Variants in KBTBD11 observed in about 807,000 individuals in gnomAD.
KBTBD11 encodes kelch repeat and BTB domain-containing protein 11.
For missense variants in KBTBD11, 1,390 were observed against 1,001.8 expected (o/e 1.39, Z -5.23); for synonymous variants, 747 against 499.0 (o/e 1.50, Z -6.63).
chr8:1,980,278 G>T (rs9657384), intron 1 of KBTBD11, among the ~76,000 whole-genome samples: 109,649 of 147,096 alleles, frequency 0.75, 41,068 homozygotes, highest in South Asian at 0.85. Context: ...CCAGGCTGGA[G>T]TGCAGTGGCG....
chr8:1,979,223 G>C (rs1032893202), intron 1 of KBTBD11, among the ~76,000 whole-genome samples: 3 of 152,156 alleles, frequency 2.0e-5, no homozygotes, highest in Admixed American at 1.3e-4. Flanking sequence ...CCTCCTCCTC[G>C]GGAACCTCCG....
At chr8:1,985,373 C>T (rs879635660) in intron 1 of KBTBD11, among the ~76,000 whole-genome samples, 2 of 152,256 alleles carry the variant, frequency 1.3e-5, no homozygotes, top group Non-Finnish European at 2.9e-5. Context: ...TGGCTTTATT[C>T]CTCTGAAACT....
chr8:2,001,746 G>T lies in KBTBD11; in HGVS notation c.554G>T (p.Arg185Leu). The change falls in exon 2 of 2, where the codon CGG becomes CTG. Residue 185 changes from arginine to leucine, a missense_variant. Transcript: ENST00000320248. ...CAGGGAGTGAGCCTGACGGCGCTGC[G>T]GCTGCTCCTCGCCGACGCCTACAGC... ...RVQGVSLTAL[R>L]LLLADAYSGR... 5 of 1,331,738 alleles carry T rather than the reference G, an allele frequency of 3.8e-6. No homozygotes were observed. Among genetic ancestry groups the T allele is most frequent in the Non-Finnish European group, 4.8e-6 (5 of 1,043,344 alleles). 82.5% of individuals were successfully genotyped at this position (1,331,738 alleles called of 1,614,324 possible).
intron 1 of KBTBD11, among the ~76,000 whole-genome samples, chr8:1,993,552 CCCACCCATCCATCCATCCAT>C (rs1817015009): frequency 3.6e-5 from 3 of 84,090 alleles, no homozygotes; most frequent in African/African-American, 1.4e-4. Flanking sequence ...CACCCACCCA[CCCACCCATCCATCCATCCAT>C]CCATCCATCC....
Position 1,979,155 on chromosome 8 carries a change from G to A in KBTBD11, c.-909+5220G>A, listed in dbSNP as rs1172222180. Among the ~76,000 whole-genome samples, 3 of 152,340 alleles carry A rather than the reference G, an allele frequency of 2.0e-5. No homozygotes were observed. In the East Asian group the frequency reaches 5.8e-4, roughly 29 times the overall value. On this transcript the variant is annotated intron_variant, in intron 1 of 1. Coordinates refer to ENST00000320248, the MANE Select transcript of KBTBD11 (RefSeq NM_014867.3). ...CATCCGATGGTGGTGGGGCAAGTCT[G>A]AGATCTGCAGGGCAGGCCGGCAGGC...
chr8:2,002,808 C>G lies in KBTBD11; in HGVS notation c.1616C>G (p.Ala539Gly), dbSNP rs1348728657. ...GCCAAGCAGTGGAGCCCGTGCGTCGCGCCCCTGCGCCTCCCCGGCGGCCCC... is the reference window on the plus strand; with the variant it reads ...GCCAAGCAGTGGAGCCCGTGCGTCGGGCCCCTGCGCCTCCCCGGCGGCCCC... ...CLAKQWSPCV[A>G]PLRLPGGPTG... The change falls in exon 2 of 2, where the codon GCG becomes GGG. Residue 539 changes from alanine (A) to glycine (G), a missense_variant. Ala to Gly is a moderately conservative substitution (Grantham distance 60). Coordinates refer to ENST00000320248, the MANE Select transcript of KBTBD11 (RefSeq NM_014867.3). The surrounding 1 kb of genome is among the most constrained non-coding windows in gnomAD (Gnocchi z 4.1). 4 of 1,437,222 alleles carry G rather than the reference C, an allele frequency of 2.8e-6. No individual in the cohort carries two copies. Among genetic ancestry groups the G allele is most frequent in the Non-Finnish European group, 3.6e-6 (4 of 1,104,002 alleles). The allele number at this position is 1,437,222 out of a possible 1,614,324, so 89.0% of individuals were successfully genotyped here.
At position 2,001,059 on chromosome 8, in the gene KBTBD11, C is replaced by T. The variant is rs1179761416; in HGVS notation, c.-134C>T. The T allele has an allele frequency of 4.4e-5, 51 of 1,165,362 alleles. No individual in the cohort carries two copies. Among genetic ancestry groups the T allele is most frequent in the Non-Finnish European group, 3.3e-6 (3 of 919,112 alleles). 72.2% of individuals were successfully genotyped at this position (1,165,362 alleles called of 1,614,324 possible). A position where few individuals can be genotyped will look rare whatever the true frequency, so the allele number is the denominator to read the frequency against. On this transcript the variant is annotated 5_prime_UTR_variant, in exon 2 of 2. Transcript: ENST00000320248. ...CACACACACAACAACAAAGCGTGGACACACAGAAGTGAAATCTGATCGCGT... is the reference window on the plus strand; with the variant it reads ...CACACACACAACAACAAAGCGTGGATACACAGAAGTGAAATCTGATCGCGT...
Position 2,002,672 on chromosome 8 carries a change from G to A in KBTBD11, c.1480G>A (p.Asp494Asn), listed in dbSNP as rs146428092. ...CAGCAGCAGCCGCGAGCGCTCGGCC[G>A]ACATGGTGGCTCTCGACGGCTTCAT... ...PCSSSRERSA[D>N]MVALDGFIYR... The change falls in exon 2 of 2, where the codon GAC becomes AAC. Residue 494 changes from aspartate (D) to asparagine (N), a missense_variant. Physicochemically the swap from Asp to Asn is conservative, Grantham distance 23 (BLOSUM62 1). Transcript: ENST00000320248. This position sits in a 1 kb window ranked among gnomAD's most constrained non-coding sequence, Gnocchi z 4.1. The A allele has an allele frequency of 9.8e-5, 154 of 1,569,402 alleles. No individual in the cohort carries two copies. The highest frequency in any genetic ancestry group is 1.3e-4 in the Non-Finnish European group (147 of 1,166,672).
chr8:2,001,218 T>A lies in KBTBD11; in HGVS notation c.26T>A (p.Val9Asp), dbSNP rs1817332650. The A allele has an allele frequency of 7.1e-7, 1 of 1,415,790 alleles. No individual in the cohort carries two copies. The highest frequency in any genetic ancestry group is 1.5e-5 in the African/African-American group (1 of 66,734). 87.7% of individuals were successfully genotyped at this position (1,415,790 alleles called of 1,614,324 possible). ...ATGGAGCACGCGGTGGCCCCCTGCG[T>A]CCTCTACCCAGGGACTGAGCCCGGG... is the stretch of plus-strand genomic sequence containing the variant. MEHAVAPC[V>D]LYPGTEPGAA... Residue 9 changes from valine (V) to aspartate (D), a missense_variant, in exon 2 of 2, where the codon GTC becomes GAC. By Grantham distance (152) the Val-to-Asp change is radical. Coordinates refer to ENST00000320248, the MANE Select transcript of KBTBD11 (RefSeq NM_014867.3).
rs1013945117 is a variant in KBTBD11 at position 2,003,925 on chromosome 8, G to T, written c.*861G>T. ...CAATCTTTGATAGTCCACTCTGTAT[G>T]CCCAGCCGCTTTCATAATCTGGAAC... On this transcript the variant is annotated 3_prime_UTR_variant, in exon 2 of 2. Transcript: ENST00000320248. 6.0e-6 allele frequency: 1 copy of T among 166,858 alleles called. No homozygotes were observed. Among genetic ancestry groups the T allele is most frequent in the Admixed American group, 6.5e-5 (1 of 15,276 alleles). 10.3% of individuals were successfully genotyped at this position (166,858 alleles called of 1,614,324 possible). A position where few individuals can be genotyped will look rare whatever the true frequency, so the allele number is the denominator to read the frequency against.
At chr8:1,994,278 C>T (rs1333777025) in intron 1 of KBTBD11, among the ~76,000 whole-genome samples, 1 of 151,410 alleles carries the variant, frequency 6.6e-6, no homozygotes, top group Non-Finnish European at 1.5e-5. Context: ...GATCCCAGTG[C>T]TGCCCCATCT....
chr8:2,001,239 C>T lies in KBTBD11; in HGVS notation c.47C>T (p.Pro16Leu). 1 of 1,485,806 alleles carries T rather than the reference C, an allele frequency of 6.7e-7. No homozygotes were observed. The highest frequency in any genetic ancestry group is 8.9e-7 in the Non-Finnish European group (1 of 1,121,736). 92.0% of individuals were successfully genotyped at this position (1,485,806 alleles called of 1,614,324 possible). Residue 16 changes from proline to leucine, a missense_variant, in exon 2 of 2, where the codon CCC (proline) becomes CTC (leucine). Physicochemically the swap from Pro to Leu is moderately conservative, Grantham distance 98. Transcript: ENST00000320248. ...TGCGTCCTCTACCCAGGGACTGAGCCCGGGGCTGCCGGGGAGAGCGAGAGC... is the reference window on the plus strand; with the variant it reads ...TGCGTCCTCTACCCAGGGACTGAGCTCGGGGCTGCCGGGGAGAGCGAGAGC... Reference protein sequence around the residue: ...APCVLYPGTEPGAAGESESEG... With the variant: ...APCVLYPGTELGAAGESESEG...
At chr8:1,991,681 G>A (rs571436334) in intron 1 of KBTBD11, among the ~76,000 whole-genome samples, 3 of 152,176 alleles carry the variant, frequency 2.0e-5, no homozygotes, top group African/African-American at 7.2e-5. Context: ...TGCCCAGCCA[G>A]GATCCCGAGG....
At position 2,002,563 on chromosome 8, in the gene KBTBD11, C is replaced by A; in HGVS notation, c.1371C>A (p.Gly457=). 1 of 1,578,146 alleles carries A rather than the reference C, an allele frequency of 6.3e-7. No homozygotes were observed. Among genetic ancestry groups the A allele is most frequent in the Non-Finnish European group, 8.5e-7 (1 of 1,171,490 alleles). ...AVAHEATTCH[G]EIYVSGGSLF... Reference sequence around the variant, plus strand: ...CGCATGAGGCCACCACCTGCCACGGCGAGATCTACGTGTCCGGGGGCTCCC... The same window carrying A: ...CGCATGAGGCCACCACCTGCCACGGAGAGATCTACGTGTCCGGGGGCTCCC... Residue 457 remains glycine (G), a synonymous_variant, in exon 2 of 2, where the codon GGC becomes GGA. Coordinates refer to ENST00000320248, the MANE Select transcript of KBTBD11 (RefSeq NM_014867.3). The surrounding 1 kb of genome is among the most constrained non-coding windows in gnomAD (Gnocchi z 4.1).
intron 1 of KBTBD11, among the ~76,000 whole-genome samples, chr8:1,979,537 T>C (rs1011239830): frequency 2.0e-5 from 3 of 152,104 alleles, no homozygotes; most frequent in Non-Finnish European, 2.9e-5. Flanking sequence ...GGCTGAGGCA[T>C]GGGAATTGCA....
chr8:2,002,575 G>A lies in KBTBD11; in HGVS notation c.1383G>A (p.Val461=). Residue 461 remains valine, a synonymous_variant, in exon 2 of 2, where the codon GTG becomes GTA. Coordinates refer to ENST00000320248, the MANE Select transcript of KBTBD11 (RefSeq NM_014867.3). This position sits in a 1 kb window ranked among gnomAD's most constrained non-coding sequence, Gnocchi z 4.1. ...EATTCHGEIY[V]SGGSLFYRLL... Reference sequence around the variant, plus strand: ...CCACCTGCCACGGCGAGATCTACGTGTCCGGGGGCTCCCTCTTCTATCGCC... The same window carrying A: ...CCACCTGCCACGGCGAGATCTACGTATCCGGGGGCTCCCTCTTCTATCGCC... 6.3e-7 allele frequency: 1 copy of A among 1,581,886 alleles called. No homozygotes were observed.
intron 1 of KBTBD11, among the ~76,000 whole-genome samples, chr8:1,986,157 C>T (rs1488110964): frequency 5.3e-5 from 8 of 152,338 alleles, no homozygotes; most frequent in South Asian, 4.1e-4. Context: ...GGGTTGGCCA[C>T]GTTGTGCTTG....
intron 1 of KBTBD11, among the ~76,000 whole-genome samples, chr8:1,978,578 C>T (rs1310121115): frequency 6.6e-6 from 1 of 152,182 alleles, no homozygotes; most frequent in African/African-American, 2.4e-5. Flanking sequence ...GAGAAAACAG[C>T]CAGGTGGAAC....
chr8:1,989,557 G>T (rs73671087), intron 1 of KBTBD11, among the ~76,000 whole-genome samples: 2 of 152,148 alleles, frequency 1.3e-5, no homozygotes, highest in African/African-American at 2.4e-5. Context: ...GCTCCATACC[G>T]CATGGATCTC....
Sources: gnomAD v4.1 joint callset for allele counts (sites outside exome capture counted in the v4.1 genomes callset) on GRCh38, gnomAD v4.1.1 for gene constraint, Gnocchi (gnomAD v3.1) non-coding constraint, MANE v1.5 for transcripts, NCBI Gene and HGNC (gene_info 2026-07-23, HGNC 2026-07-21) for gene names.